ATF6: variants seen among roughly 807,000 people sequenced by gnomAD.
ATF6 encodes the protein cyclic AMP-dependent transcription factor ATF-6 alpha.
Under a neutral mutation model 83.6 loss-of-function variants are expected in ATF6, and 53 were observed. The ratio of observed to expected loss-of-function variants is 0.63; its 90% CI spans 0.51 to 0.80. ATF6 has a LOEUF of 0.80. ATF6 is among the 30% of genes least tolerant of loss of function. The probability of loss-of-function intolerance (pLI) is 0.00; values close to 1 mark genes in which losing one functional copy is unlikely to be tolerated. For missense variants in ATF6, 744 were observed against 797.9 expected, an observed-to-expected ratio of 0.93 and a Z score of 0.81; for synonymous variants, 288 against 285.8, an observed-to-expected ratio of 1.01 and a Z score of -0.08.
intron 12 of ATF6, among the ~76,000 whole-genome samples, chr1:161,858,167 A>G (rs1686805899): frequency 6.6e-6 from 1 of 152,198 alleles, no homozygotes; most frequent in Non-Finnish European, 1.5e-5. Flanking sequence ...ATGGAATACT[A>G]AAAAATATGC....
intron 14 of ATF6, among the ~76,000 whole-genome samples, chr1:161,882,838 T>A (rs2101860059): frequency 6.6e-6 from 1 of 151,860 alleles, no homozygotes; most frequent in South Asian, 2.1e-4. Flanking sequence ...TGTTGAGAGG[T>A]TTAAATGAAA....
At chr1:161,815,767 A>G (rs1232638051) in intron 7 of ATF6, among the ~76,000 whole-genome samples, 1 of 151,996 alleles carries the variant, frequency 6.6e-6, no homozygotes, top group East Asian at 1.9e-4. Flanking sequence ...ACATAGAGAG[A>G]TCCTATCTCT....
At chr1:161,808,757 A>G (rs1237731042) in intron 7 of ATF6, among the ~76,000 whole-genome samples, 1 of 150,566 alleles carries the variant, frequency 6.6e-6, no homozygotes, top group African/African-American at 2.4e-5. Context: ...TTTTGTAGAG[A>G]TGGGGGTCTT....
intron 14 of ATF6, among the ~76,000 whole-genome samples, chr1:161,872,994 A>G (rs770478746): frequency 6.6e-6 from 1 of 151,620 alleles, no homozygotes; most frequent in Non-Finnish European, 1.5e-5. Flanking sequence ...TATGCTTGAC[A>G]GATGTTCTAA....
rs574052944 is a variant in ATF6, at chr1:161,904,119, ATAGT to A, written c.1720-8172_1720-8169del. Among the ~76,000 whole-genome samples the A allele has an allele frequency of 6.6e-5, 10 of 152,338 alleles. No homozygotes were observed. In the South Asian group the frequency reaches 1.7e-3, roughly 25 times the overall value. On this transcript the variant is annotated intron_variant, in intron 14 of 15. Transcript: ENST00000367942. The stretch of plus-strand genomic sequence containing the variant: ...TGATTAAATGCTTTCTGAAAGATAC[ATAGT>A]TAGTACAGAACTTAATACTATTATA...
chr1:161,882,234 T>C (rs1339325557), intron 14 of ATF6, among the ~76,000 whole-genome samples: 1 of 152,122 alleles, frequency 6.6e-6, no homozygotes, highest in African/African-American at 2.4e-5. Flanking sequence ...TATATACTCT[T>C]TGGAAACATA....
intron 2 of ATF6, 146 bp downstream of exon 2, chr1:161,778,466 G>T: frequency 1.6e-6 from 1 of 625,754 alleles, no homozygotes. Context: ...ATGAAAGTTA[G>T]TAGCCATTTT....
chr1:161,858,879 C>T (rs972834778), intron 12 of ATF6, among the ~76,000 whole-genome samples: 1 of 152,134 alleles, frequency 6.6e-6, no homozygotes, highest in Non-Finnish European at 1.5e-5. Context: ...TTCCTAAGGC[C>T]TACCCATTGC....
chr1:161,843,302 A>G (rs577877910), intron 9 of ATF6, among the ~76,000 whole-genome samples: 2 of 152,176 alleles, frequency 1.3e-5, no homozygotes, highest in African/African-American at 2.4e-5. Flanking sequence ...TTTTTTTGTC[A>G]TCAGTGTTAT....
In ATF6 at chr1:161,766,390, C is replaced by A. The variant is rs764251276; in HGVS notation, c.30C>A (p.Thr10=). Residue 10 remains threonine (T), a synonymous_variant, in exon 1 of 16, where the codon ACC becomes ACA. Coordinates refer to ENST00000367942, the MANE Select transcript of ATF6 (RefSeq NM_007348.4). ...GGGAGCCGGCTGGGGTTGCCGGCAC[C>A]ATGGAGTCACCTTTTAGCCCGGGAC... MGEPAGVAG[T]MESPFSPGLF... 1 of 1,613,480 alleles carries A rather than the reference C, an allele frequency of 6.2e-7. No homozygotes were observed. Among genetic ancestry groups the A allele is most frequent in the Non-Finnish European group, 8.5e-7 (1 of 1,179,694 alleles).
intron 15 of ATF6, among the ~76,000 whole-genome samples, chr1:161,930,084 G>A (rs1379356152): frequency 6.6e-6 from 1 of 152,088 alleles, no homozygotes; most frequent in Non-Finnish European, 1.5e-5. Context: ...TTCCCCCTTG[G>A]CTCTAAAGTT....
At chr1:161,876,839 G>A (rs954950014) in intron 14 of ATF6, among the ~76,000 whole-genome samples, 9 of 151,842 alleles carry the variant, frequency 5.9e-5, no homozygotes, top group Admixed American at 2.0e-4. Flanking sequence ...ATAGTTGTGG[G>A]TTAAGGAGGC....
chr1:161,881,152 T>G (rs1201307988), intron 14 of ATF6, among the ~76,000 whole-genome samples: 1 of 152,164 alleles, frequency 6.6e-6, no homozygotes, highest in Non-Finnish European at 1.5e-5. Flanking sequence ...TTGTTTTGTT[T>G]AGCAGCTTAG....
At chr1:161,943,905 T>C (rs1346581871) in intron 15 of ATF6, among the ~76,000 whole-genome samples, 2 of 152,222 alleles carry the variant, frequency 1.3e-5, no homozygotes, top group Non-Finnish European at 2.9e-5. Flanking sequence ...TACCATCTGC[T>C]CACTAGAATG....
At chr1:161,937,711 A>AG (rs1482490234) in intron 15 of ATF6, among the ~76,000 whole-genome samples, 1 of 141,030 alleles carries the variant, frequency 7.1e-6, no homozygotes, top group Non-Finnish European at 1.5e-5. Context: ...GGACACAGGG[A>AG]GGGGAACATC....
chr1:161,817,060 A>C (rs962849276), intron 7 of ATF6, among the ~76,000 whole-genome samples: 15 of 152,150 alleles, frequency 9.9e-5, no homozygotes, highest in African/African-American at 3.4e-4. Flanking sequence ...ATCTGTTTCT[A>C]TGGGAAGAAA....
intron 9 of ATF6, among the ~76,000 whole-genome samples, chr1:161,839,247 A>G (rs1050644130): frequency 6.6e-6 from 1 of 152,252 alleles, no homozygotes; most frequent in Non-Finnish European, 1.5e-5. Flanking sequence ...GAAGAGAGAC[A>G]ATAAACATAA....
chr1:161,935,830 T>C (rs1688523929), intron 15 of ATF6, among the ~76,000 whole-genome samples: 1 of 152,210 alleles, frequency 6.6e-6, no homozygotes, highest in Admixed American at 6.5e-5. Flanking sequence ...CAGTAAAGAG[T>C]GGCAATGCTC....
Position 161,894,419 on chromosome 1 carries a change from T to C in ATF6, c.1720-17877T>C, listed in dbSNP as rs184847784. Among the ~76,000 whole-genome samples, 449 of 151,768 alleles carry C rather than the reference T, an allele frequency of 3.0e-3. 1 individual carries two copies. Among genetic ancestry groups the C allele is most frequent in the African/African-American group, 0.01 (433 of 41,476 alleles). ...ATGATGGAGAAGAGTCTTAAAGTTC[T>C]TAAACTTCAAACTTCTTAAACGTTT... On this transcript the variant is annotated intron_variant, in intron 14 of 15. Transcript: ENST00000367942.
Sources: gnomAD v4.1 joint callset for allele counts (sites outside exome capture counted in the v4.1 genomes callset) on GRCh38, gnomAD v4.1.1 for gene constraint, MANE v1.5 for transcripts, NCBI Gene and HGNC (gene_info 2026-07-23, HGNC 2026-07-21) for gene names.